Variants in ADAMTSL3 observed in about 807,000 individuals in gnomAD.
The protein encoded by ADAMTSL3 is ADAMTS like 3.
ADAMTSL3 carries 128 observed loss-of-function variants against 201.7 expected under a neutral mutation model. That is an observed-to-expected ratio of 0.63 (90% CI 0.55 to 0.73). The LOEUF is 0.73. ADAMTSL3 is among the 30% of genes least tolerant of loss of function. The pLI is 0.00. For missense variants in ADAMTSL3, 1,990 were observed against 2,119.6 expected (o/e 0.94, Z 1.20); for synonymous variants, 738 against 748.4 (o/e 0.99, Z 0.23).
At chr15:83,718,568 G>A (rs932442411) in intron 3 of ADAMTSL3, among the ~76,000 whole-genome samples, 3 of 152,006 alleles carry the variant, frequency 2.0e-5, no homozygotes, top group Middle Eastern at 6.8e-3. Flanking sequence ...GCCAGGCGTG[G>A]TGGTGCATGG....
chr15:83,913,305 C>T lies in ADAMTSL3; in HGVS notation c.1914C>T (p.Leu638=), dbSNP rs2065968282. 1 of 1,613,960 alleles carries T rather than the reference C, an allele frequency of 6.2e-7. No homozygotes were observed. The highest frequency in any genetic ancestry group is 8.5e-7 in the Non-Finnish European group (1 of 1,180,028). Residue 638 remains leucine (L), a synonymous_variant, in exon 16 of 30, where the codon CTC becomes CTT. Coordinates refer to ENST00000286744, the MANE Select transcript of ADAMTSL3 (RefSeq NM_207517.3). ...CCTCCCGAGAGCTAGACATCCCTCTCCCTGAGGACAGTGAGACGACTTACG... is the reference window on the plus strand; with the variant it reads ...CCTCCCGAGAGCTAGACATCCCTCTTCCTGAGGACAGTGAGACGACTTACG... ...SPASRELDIP[L]PEDSETTYDW...
intron 23 of ADAMTSL3, among the ~76,000 whole-genome samples, chr15:83,995,241 G>A (rs112620910): frequency 2.2e-4 from 33 of 152,302 alleles, no homozygotes; most frequent in African/African-American, 7.7e-4. Flanking sequence ...GTTGATTTGG[G>A]TGGAGCATCT....
At chr15:83,887,170 A>G (rs938073231) in intron 10 of ADAMTSL3, among the ~76,000 whole-genome samples, 1 of 152,142 alleles carries the variant, frequency 6.6e-6, no homozygotes, top group Non-Finnish European at 1.5e-5. Context: ...AGATGATGGT[A>G]CACACTCCAC....
intron 8 of ADAMTSL3, among the ~76,000 whole-genome samples, chr15:83,870,276 C>T (rs1178682559): frequency 6.6e-6 from 1 of 152,102 alleles, no homozygotes. Context: ...TGATATTCAA[C>T]TATACTTTTG....
intron 3 of ADAMTSL3, among the ~76,000 whole-genome samples, chr15:83,730,140 C>T (rs563878992): frequency 1.1e-4 from 16 of 152,122 alleles, no homozygotes; most frequent in Middle Eastern, 3.4e-3. Flanking sequence ...GAACAGGCAA[C>T]GAAGTGGAGT....
intron 2 of ADAMTSL3, among the ~76,000 whole-genome samples, chr15:83,658,778 G>A (rs903790023): frequency 3.3e-5 from 5 of 152,180 alleles, no homozygotes; most frequent in African/African-American, 1.2e-4. Flanking sequence ...ATCTAGCCTG[G>A]AGTATTTGAG....
Position 83,762,826 on chromosome 15 carries a change from G to A in ADAMTSL3, c.190-10697G>A, listed in dbSNP as rs1021319711. Among the ~76,000 whole-genome samples, 12 of 151,616 alleles carry A rather than the reference G, an allele frequency of 7.9e-5. No individual in the cohort carries two copies. The South Asian group carries it at 1.0e-3, about 13-fold the overall frequency. ...CTTCTTACTTCTGGAAAATAATGCC[G>A]TTCTATAGCAATACTGTGAAGAATC... On this transcript the variant is annotated intron_variant, in intron 3 of 29. Transcript: ENST00000286744.
chr15:84,020,471 T>C (rs571861037), intron 25 of ADAMTSL3, among the ~76,000 whole-genome samples: 8 of 152,354 alleles, frequency 5.3e-5, no homozygotes, highest in Admixed American at 3.3e-4. Flanking sequence ...AAATAAACTG[T>C]ATTCCTGAGT....
At chr15:83,671,448 C>G (rs1272377533) in intron 2 of ADAMTSL3, among the ~76,000 whole-genome samples, 2 of 152,098 alleles carry the variant, frequency 1.3e-5, no homozygotes, top group African/African-American at 2.4e-5. Flanking sequence ...ACAGCAAAGG[C>G]AAATATTTTA....
At chr15:83,901,686 T>C (rs947239686) in intron 15 of ADAMTSL3, among the ~76,000 whole-genome samples, 12 of 152,194 alleles carry the variant, frequency 7.9e-5, no homozygotes, top group African/African-American at 1.4e-4. Context: ...TAAAAAGATA[T>C]GGTTTTGCAC....
intron 16 of ADAMTSL3, among the ~76,000 whole-genome samples, chr15:83,922,570 A>C (rs1351563074): frequency 6.6e-6 from 1 of 152,218 alleles, no homozygotes; most frequent in East Asian, 1.9e-4. Flanking sequence ...TAAAACCTAG[A>C]GTTATTAAGT....
chr15:83,924,083 C>A (rs757331797), intron 17 of ADAMTSL3, 50 bp downstream of exon 17: 2 of 1,602,114 alleles, frequency 1.2e-6, no homozygotes, highest in South Asian at 2.2e-5. Flanking sequence ...GGTGGTAACA[C>A]CCTCCCTGCA....
intron 3 of ADAMTSL3, among the ~76,000 whole-genome samples, chr15:83,715,256 C>G (rs961433960): frequency 6.6e-6 from 1 of 152,118 alleles, no homozygotes; most frequent in Admixed American, 6.5e-5. Flanking sequence ...ACTGATGGCC[C>G]TTAATATTGC....
chr15:83,847,605 C>T (rs1315459404), intron 7 of ADAMTSL3, among the ~76,000 whole-genome samples: 2 of 151,488 alleles, frequency 1.3e-5, no homozygotes, highest in African/African-American at 2.4e-5. Context: ...AAGTGATTCT[C>T]CTGCCTCAGC....
At chr15:83,847,971 A>G (rs1343253641) in intron 7 of ADAMTSL3, among the ~76,000 whole-genome samples, 1 of 152,060 alleles carries the variant, frequency 6.6e-6, no homozygotes, top group Non-Finnish European at 1.5e-5. Flanking sequence ...TAGGGTTCAA[A>G]TTATTAGCAT....
At chr15:83,996,576 T>C (rs11630708) in intron 23 of ADAMTSL3, among the ~76,000 whole-genome samples, 2,019 of 151,724 alleles carry the variant, frequency 0.013, 21 homozygotes, top group South Asian at 0.021. Flanking sequence ...GGTCAGGAAA[T>C]CGAGACCATC....
intron 3 of ADAMTSL3, among the ~76,000 whole-genome samples, chr15:83,744,143 C>T (rs2062505004): frequency 1.3e-5 from 2 of 152,122 alleles, no homozygotes; most frequent in South Asian, 2.1e-4. Flanking sequence ...AGCCACTGCG[C>T]CCGGCCATAT....
At chr15:83,901,876 A>G (rs1169980419) in intron 15 of ADAMTSL3, among the ~76,000 whole-genome samples, 1 of 152,220 alleles carries the variant, frequency 6.6e-6, no homozygotes, top group African/African-American at 2.4e-5. Flanking sequence ...GGAAGGTCAC[A>G]GAGTCCTTTG....
intron 25 of ADAMTSL3, among the ~76,000 whole-genome samples, chr15:84,018,989 A>G (rs796715808): frequency 3.3e-5 from 5 of 152,104 alleles, no homozygotes; most frequent in African/African-American, 9.6e-5. Flanking sequence ...AAATATTGGC[A>G]GAACATATGT....
Sources: gnomAD v4.1 joint callset for allele counts (sites outside exome capture counted in the v4.1 genomes callset) on GRCh38, gnomAD v4.1.1 for gene constraint, MANE v1.5 for transcripts, NCBI Gene and HGNC (gene_info 2026-07-23, HGNC 2026-07-21) for gene names.